VPS53: variants seen among roughly 807,000 people sequenced by gnomAD.
VPS53 encodes VPS53 subunit of GARP complex.
In VPS53, 70 loss-of-function variants were observed where a neutral mutation model predicts 107.0. That is an observed-to-expected ratio of 0.65 (90% CI 0.54 to 0.80). The LOEUF is 0.80. VPS53 is among the 30% of genes least tolerant of loss of function. VPS53 has a pLI of 0.00. For synonymous variants in VPS53, 409 were observed against 393.3 expected (o/e 1.04, Z -0.47); for missense variants, 917 against 1,049.4 (o/e 0.87, Z 1.74).
chr17:626,833 T>C (rs1322756254), intron 10 of VPS53, among the ~76,000 whole-genome samples: 1 of 152,146 alleles, frequency 6.6e-6, no homozygotes, highest in Admixed American at 6.5e-5. Context: ...ATAAAAATGA[T>C]GATGGGATAT....
At chr17:605,977 G>T (rs1597372896) in intron 11 of VPS53, among the ~76,000 whole-genome samples, 1 of 152,264 alleles carries the variant, frequency 6.6e-6, no homozygotes, top group Admixed American at 6.5e-5. Flanking sequence ...TAGGGGAATG[G>T]ATTATAATGA....
chr17:676,577 T>C (rs1317156644), intron 4 of VPS53, among the ~76,000 whole-genome samples: 1 of 152,218 alleles, frequency 6.6e-6, no homozygotes, highest in Non-Finnish European at 1.5e-5. Context: ...AACATGGAAA[T>C]AAGCAGATGG....
intron 13 of VPS53, among the ~76,000 whole-genome samples, chr17:574,716 G>A (rs1914454712): frequency 6.6e-6 from 1 of 152,142 alleles, no homozygotes. Flanking sequence ...AGTGAGTCCT[G>A]ATCACGCCTC....
At chr17:684,223 T>A (rs1406637601) in intron 4 of VPS53, among the ~76,000 whole-genome samples, 3 of 152,226 alleles carry the variant, frequency 2.0e-5, no homozygotes, top group Non-Finnish European at 4.4e-5. Context: ...TTATTCCATA[T>A]CACACTGTAG....
intron 7 of VPS53, among the ~76,000 whole-genome samples, chr17:644,858 C>T (rs549764855): frequency 1.4e-3 from 208 of 152,278 alleles, no homozygotes; most frequent in Non-Finnish European, 1.8e-3. Flanking sequence ...TGCTGGGACT[C>T]CAGGTGTGAG....
At chr17:670,620 G>A (rs1282591802) in intron 4 of VPS53, among the ~76,000 whole-genome samples, 1 of 152,160 alleles carries the variant, frequency 6.6e-6, no homozygotes, top group East Asian at 1.9e-4. Context: ...CTTAAGAAAT[G>A]AGCATCCCTC....
intron 13 of VPS53, among the ~76,000 whole-genome samples, chr17:577,940 C>A (rs1036880880): frequency 5.9e-5 from 9 of 151,446 alleles, no homozygotes; most frequent in Non-Finnish European, 8.8e-5. Flanking sequence ...CCCTCAGGAC[C>A]TAATGCGTTC....
At chr17:551,412 T>C (rs1911807318) in intron 17 of VPS53, among the ~76,000 whole-genome samples, 1 of 151,786 alleles carries the variant, frequency 6.6e-6, no homozygotes, top group Non-Finnish European at 1.5e-5. Flanking sequence ...TACAAAAAAT[T>C]TAAAAAGTAG....
intron 2 of VPS53, among the ~76,000 whole-genome samples, chr17:704,025 T>C (rs947555487): frequency 1.4e-4 from 22 of 152,186 alleles, no homozygotes; most frequent in Non-Finnish European, 2.1e-4. Context: ...AGAGCATTTT[T>C]GGGGTCACCA....
intron 11 of VPS53, among the ~76,000 whole-genome samples, chr17:614,657 C>T (rs1969051586): frequency 6.6e-6 from 1 of 152,200 alleles, no homozygotes; most frequent in South Asian, 2.1e-4. Context: ...GTTCCTTACA[C>T]AGTCTCCCTC....
intron 18 of VPS53, 77 bp from the exon 19 acceptor site, chr17:532,988 G>C (rs146413558): frequency 7.8e-6 from 12 of 1,534,630 alleles, no homozygotes; most frequent in African/African-American, 1.4e-5. Context: ...AAGGTTCCAC[G>C]TATCTCCATG....
Position 709,259 on chromosome 17 carries a change from C to G in VPS53, c.168+1274G>C, listed in dbSNP as rs535593388. On this transcript the variant is annotated intron_variant, in intron 2 of 21. Transcript: ENST00000437048. ...CACGGAACCTGCCTGGTATCACGGC[C>G]ACCATGTTTGATCATCTCTAGTGTA... is the stretch of plus-strand genomic sequence containing the variant. Among the ~76,000 whole-genome samples, 72 of 151,656 alleles carry G rather than the reference C, an allele frequency of 4.7e-4. 1 individual carries two copies. The Middle Eastern group carries it at 0.017, about 36-fold the overall frequency.
intron 13 of VPS53, among the ~76,000 whole-genome samples, chr17:564,900 G>A (rs1391389773): frequency 1.3e-5 from 2 of 152,186 alleles, no homozygotes; most frequent in Non-Finnish European, 1.5e-5. Flanking sequence ...TGCCTGCACA[G>A]CTGTGCTGTG....
intron 4 of VPS53, among the ~76,000 whole-genome samples, chr17:686,312 C>T (rs1214745103): frequency 1.3e-5 from 2 of 151,720 alleles, no homozygotes; most frequent in African/African-American, 4.8e-5. Context: ...AGAGTGAGAC[C>T]CTGTCTCTAA....
At chr17:607,920 G>C (rs1469431779) in intron 11 of VPS53, among the ~76,000 whole-genome samples, 1 of 152,124 alleles carries the variant, frequency 6.6e-6, no homozygotes, top group Non-Finnish European at 1.5e-5. Context: ...TATCTCGTCT[G>C]CCTACACAAA....
intron 16 of VPS53, among the ~76,000 whole-genome samples, 200 bp from the exon 17 acceptor site, chr17:552,150 T>A (rs1007209994): frequency 1.3e-5 from 2 of 152,208 alleles, no homozygotes; most frequent in Non-Finnish European, 2.9e-5. Context: ...AGTCAGGATA[T>A]AGAATCCCAC....
intron 4 of VPS53, among the ~76,000 whole-genome samples, chr17:677,743 A>AGG (rs760957960): frequency 0.016 from 2,366 of 152,260 alleles, 24 homozygotes; most frequent in Middle Eastern, 0.031. Context: ...GCCATATAAA[A>AGG]AATTGAAAAA....
At chr17:567,019 A>T (rs951882002) in intron 13 of VPS53, among the ~76,000 whole-genome samples, 3 of 152,082 alleles carry the variant, frequency 2.0e-5, no homozygotes, top group Non-Finnish European at 4.4e-5. Context: ...TGCTGGGATT[A>T]CAGGCGTGAG....
At chr17:669,982 TA>T (rs1263967737) in intron 4 of VPS53, among the ~76,000 whole-genome samples, 1 of 152,090 alleles carries the variant, frequency 6.6e-6, no homozygotes, top group African/African-American at 2.4e-5. Flanking sequence ...AAAACAGAAC[TA>T]ATCACTCCCA....
Sources: allele counts gnomAD v4.1 joint callset (sites outside exome capture counted in the v4.1 genomes callset), GRCh38; gene constraint gnomAD v4.1.1; transcripts MANE v1.5; gene names NCBI Gene and HGNC (gene_info 2026-07-23, HGNC 2026-07-21).